Variants in KCND2 observed in about 807,000 individuals in gnomAD.
KCND2 encodes A-type voltage-gated potassium channel KCND2.
A neutral mutation model predicts 54.4 loss-of-function variants in KCND2; 16 were observed. The observed-to-expected ratio is 0.29, with a 90% CI of 0.20 to 0.45. The LOEUF (loss-of-function observed/expected upper bound fraction) is 0.45. KCND2 is among the 20% of genes least tolerant of loss of function. The pLI, the probability that KCND2 is intolerant of heterozygous loss-of-function variation, is 1.00. For synonymous variants in KCND2, 317 were observed against 310.7 expected, an observed-to-expected ratio of 1.02 and a Z score of -0.21; for missense variants, 486 against 824.2, an observed-to-expected ratio of 0.59 and a Z score of 5.02.
chr7:120,300,649 A>G (rs1799572883), intron 1 of KCND2, among the ~76,000 whole-genome samples: 2 of 152,104 alleles, frequency 1.3e-5, no homozygotes, highest in African/African-American at 4.8e-5. Flanking sequence ...AAATATTCTC[A>G]TTAATCTAAC....
At chr7:120,487,670 C>G (rs750701254) in intron 1 of KCND2, among the ~76,000 whole-genome samples, 8 of 152,186 alleles carry the variant, frequency 5.3e-5, no homozygotes, top group Non-Finnish European at 8.8e-5. Flanking sequence ...CCCAATCCCT[C>G]TCCTTCCAGA....
intron 1 of KCND2, among the ~76,000 whole-genome samples, chr7:120,481,007 GAA>G (rs938636473): frequency 3.3e-5 from 5 of 152,158 alleles, no homozygotes; most frequent in African/African-American, 1.2e-4. Flanking sequence ...CAAAAGAAAA[GAA>G]AACTAAGGAA....
intron 1 of KCND2, among the ~76,000 whole-genome samples, chr7:120,378,624 C>T (rs776748062): frequency 3.3e-5 from 5 of 151,888 alleles, no homozygotes; most frequent in African/African-American, 7.2e-5. Context: ...AACAAAACTA[C>T]GTGTAAAGCA....
chr7:120,369,371 T>G (rs1243405633), intron 1 of KCND2, among the ~76,000 whole-genome samples: 2 of 152,046 alleles, frequency 1.3e-5, no homozygotes, highest in African/African-American at 4.8e-5. Flanking sequence ...ACTATTTTAA[T>G]CTTCAAAAAA....
chr7:120,276,351 A>G (rs1266888476), intron 1 of KCND2, among the ~76,000 whole-genome samples: 10 of 152,238 alleles, frequency 6.6e-5, no homozygotes, highest in African/African-American at 2.4e-4. Flanking sequence ...TTAGAATATC[A>G]GAGCTGAAAC....
At chr7:120,325,355 G>A (rs1319437650) in intron 1 of KCND2, among the ~76,000 whole-genome samples, 1 of 139,642 alleles carries the variant, frequency 7.2e-6, no homozygotes, top group African/African-American at 2.7e-5. Context: ...GGAGTGGTGA[G>A]AGAGGGCATC....
chr7:120,527,120 A>G (rs991901044), intron 1 of KCND2, among the ~76,000 whole-genome samples: 2 of 152,106 alleles, frequency 1.3e-5, no homozygotes, highest in African/African-American at 4.8e-5. Context: ...TTACCCTAAC[A>G]TATATCGTTA....
chr7:120,548,339 C>T (rs1792067576), intron 1 of KCND2, among the ~76,000 whole-genome samples: 1 of 152,096 alleles, frequency 6.6e-6, no homozygotes, highest in Admixed American at 6.6e-5. Flanking sequence ...CCAATCAAAA[C>T]CACTGCAGAA....
intron 1 of KCND2, among the ~76,000 whole-genome samples, chr7:120,420,948 A>G (rs1260657655): frequency 6.6e-6 from 1 of 152,160 alleles, no homozygotes; most frequent in Non-Finnish European, 1.5e-5. Context: ...GTGGAGTGAT[A>G]TTGCTGTAAT....
At chr7:120,608,942 G>A (rs77979534) in intron 1 of KCND2, among the ~76,000 whole-genome samples, 1 of 152,174 alleles carries the variant, frequency 6.6e-6, no homozygotes, top group East Asian at 1.9e-4. Flanking sequence ...CAGTTAAATG[G>A]TATTCCTCCT....
chr7:120,569,067 T>C (rs1792332237), intron 1 of KCND2, among the ~76,000 whole-genome samples: 1 of 152,086 alleles, frequency 6.6e-6, no homozygotes, highest in South Asian at 2.1e-4. Context: ...TGTTAGGACA[T>C]AGTTATGATT....
At chr7:120,393,240 A>G (rs2116057285) in intron 1 of KCND2, among the ~76,000 whole-genome samples, 1 of 152,106 alleles carries the variant, frequency 6.6e-6, no homozygotes, top group African/African-American at 2.4e-5. Flanking sequence ...AAATAGGAAT[A>G]ATTGTAGATA....
intron 1 of KCND2, among the ~76,000 whole-genome samples, chr7:120,581,049 C>T (rs1004567777): frequency 5.3e-5 from 8 of 152,208 alleles, no homozygotes; most frequent in African/African-American, 1.9e-4. Context: ...TGTGGTTGGT[C>T]GATTCAAGTG....
At chr7:120,331,030 T>C (rs1038322045) in intron 1 of KCND2, among the ~76,000 whole-genome samples, 7 of 152,192 alleles carry the variant, frequency 4.6e-5, no homozygotes, top group African/African-American at 1.7e-4. Flanking sequence ...AGTTTTTGTG[T>C]GATTCTTTGT....
rs562369300 is a variant in KCND2 at position 120,331,989 on chromosome 7, AC to A, written c.1115+56244del. On this transcript the variant is annotated intron_variant, in intron 1 of 5. Coordinates refer to ENST00000331113, the MANE Select transcript of KCND2 (RefSeq NM_012281.3). ...CTTTCAATTTATTCACTCCATTATC[AC>A]CACCTCTTTGGAGAAGGGGATGTTG... Among the ~76,000 whole-genome samples, 30 of 152,000 alleles carry A rather than the reference AC, an allele frequency of 2.0e-4. No homozygotes were observed. In the East Asian group the frequency reaches 5.6e-3, roughly 28 times the overall value.
chr7:120,687,304 G>A (rs1279700110), intron 1 of KCND2, among the ~76,000 whole-genome samples: 1 of 152,138 alleles, frequency 6.6e-6, no homozygotes. Context: ...TCGATCTTCA[G>A]CAGATATAAA....
intron 1 of KCND2, among the ~76,000 whole-genome samples, chr7:120,355,392 C>G (rs2116391535): frequency 6.6e-6 from 1 of 152,130 alleles, no homozygotes; most frequent in Non-Finnish European, 1.5e-5. Flanking sequence ...ACTAAAAATA[C>G]AAAAATTAGC....
chr7:120,675,244 G>GT (rs1358440850), intron 1 of KCND2, among the ~76,000 whole-genome samples: 1 of 151,844 alleles, frequency 6.6e-6, no homozygotes, highest in Non-Finnish European at 1.5e-5. Flanking sequence ...TTGTTTGTTT[G>GT]TTTTTAGAGA....
chr7:120,278,937 C>T (rs959789746), intron 1 of KCND2, among the ~76,000 whole-genome samples: 1 of 151,648 alleles, frequency 6.6e-6, no homozygotes, highest in Admixed American at 6.6e-5. Context: ...TCTTTCTGAG[C>T]GCATTTCACA....
Sources: allele counts gnomAD v4.1 joint callset (sites outside exome capture counted in the v4.1 genomes callset), GRCh38; gene constraint gnomAD v4.1.1; transcripts MANE v1.5; gene names NCBI Gene and HGNC (gene_info 2026-07-23, HGNC 2026-07-21).